Variants in CNGA3 observed in about 807,000 individuals in gnomAD.
CNGA3 encodes cyclic nucleotide-gated channel alpha-3.
CNGA3 carries 42 observed loss-of-function variants against 46.6 expected under a neutral mutation model. The observed-to-expected ratio is 0.90, with a 90% CI of 0.70 to 1.17. CNGA3 has a LOEUF of 1.17. Ranked by LOEUF, CNGA3 falls within the 50% of genes most tolerant of loss-of-function variation. CNGA3 has a pLI of 0.00. For missense variants in CNGA3, 893 were observed against 890.7 expected, an observed-to-expected ratio of 1.00 and a Z score of -0.03; for synonymous variants, 394 against 369.4, an observed-to-expected ratio of 1.07 and a Z score of -0.76.
chr2:98,368,852 T>C lies in CNGA3; in HGVS notation c.-37-1087T>C, dbSNP rs190660102. The stretch of plus-strand genomic sequence containing the variant: ...GTTGACTCTGTTCTCTTATGCTGAG[T>C]CAGTTACTGGGTGGAGGCCACAGAA... On this transcript the variant is annotated intron_variant, in intron 1 of 7. Transcript: ENST00000272602. Among the ~76,000 whole-genome samples, 395 of 152,316 alleles carry C rather than the reference T, an allele frequency of 2.6e-3. 1 individual carries two copies. The highest frequency in any genetic ancestry group is 3.6e-3 in the Non-Finnish European group (248 of 68,024).
chr2:98,389,734 G>C lies in CNGA3; in HGVS notation c.526G>C (p.Ala176Pro). Residue 176 changes from alanine (A) to proline (P), a missense_variant, in exon 6 of 8, where the codon GCC (alanine) becomes CCC (proline). Physicochemically the swap from Ala to Pro is conservative, Grantham distance 27. Around this residue, in one of 3 missense-constraint regions of CNGA3, gnomAD observed 333 missense variants for 290.8 expected, o/e 1.15. Transcript: ENST00000272602. ...NLYYRWLTAI[A>P]LPVFYNWYLL... ...GTACTACCGCTGGCTGACCGCCATC[G>C]CCCTGCCTGTCTTCTATAACTGGTA... is the stretch of plus-strand genomic sequence containing the variant. 3 of 1,613,540 alleles carry C rather than the reference G, an allele frequency of 1.9e-6. No homozygotes were observed. The South Asian group carries it at 3.3e-5, about 18-fold the overall frequency.
At chr2:98,369,871 C>T in intron 1 of CNGA3, 68 bp from the exon 2 acceptor site, 1 of 1,031,494 alleles carries the variant, frequency 9.7e-7, no homozygotes, top group Non-Finnish European at 1.5e-6. Context: ...AGCCCTTGCC[C>T]TTGATGAGCT....
chr2:98,371,778 A>G (rs1692293939), intron 2 of CNGA3, among the ~76,000 whole-genome samples: 1 of 152,254 alleles, frequency 6.6e-6, no homozygotes, highest in African/African-American at 2.4e-5. Context: ...GTATGTTTTA[A>G]TAGTTTATTT....
chr2:98,367,700 G>A (rs1035210625), intron 1 of CNGA3, among the ~76,000 whole-genome samples: 8 of 152,034 alleles, frequency 5.3e-5, no homozygotes, highest in African/African-American at 1.7e-4. Flanking sequence ...ACTGTGTTCA[G>A]CACCTCTTCC....
At chr2:98,371,463 C>T (rs961127342) in intron 2 of CNGA3, among the ~76,000 whole-genome samples, 1 of 152,188 alleles carries the variant, frequency 6.6e-6, no homozygotes, top group African/African-American at 2.4e-5. Context: ...GAGATTGAGT[C>T]CCCATTATGG....
chr2:98,351,950 T>C (rs1322474101), intron 1 of CNGA3, among the ~76,000 whole-genome samples: 2 of 152,238 alleles, frequency 1.3e-5, no homozygotes, highest in African/African-American at 2.4e-5. Context: ...CACCACATTA[T>C]AATCTTAGAA....
At chr2:98,368,140 CAT>C (rs1343054712) in intron 1 of CNGA3, among the ~76,000 whole-genome samples, 3 of 152,206 alleles carry the variant, frequency 2.0e-5, no homozygotes, top group Admixed American at 6.5e-5. Context: ...TATTTAAACT[CAT>C]AGACTTAAAC....
chr2:98,362,272 C>T (rs1323578699), intron 1 of CNGA3, among the ~76,000 whole-genome samples: 13 of 149,996 alleles, frequency 8.7e-5, no homozygotes, highest in Non-Finnish European at 1.8e-4. Flanking sequence ...CTCTGCCTCC[C>T]GGGTTCAAGT....
At chr2:98,373,062 A>C (rs890660694) in intron 2 of CNGA3, among the ~76,000 whole-genome samples, 1 of 152,128 alleles carries the variant, frequency 6.6e-6, no homozygotes, top group Non-Finnish European at 1.5e-5. Flanking sequence ...ACAGCCAGAA[A>C]TTTTCAGAAT....
chr2:98,392,393 C>A (rs1347969804), intron 7 of CNGA3, among the ~76,000 whole-genome samples: 1 of 152,058 alleles, frequency 6.6e-6, no homozygotes, highest in Non-Finnish European at 1.5e-5. Flanking sequence ...AACCCCATCT[C>A]TACTAAAAAT....
At chr2:98,350,070 T>C (rs1691740715) in intron 1 of CNGA3, among the ~76,000 whole-genome samples, 1 of 152,234 alleles carries the variant, frequency 6.6e-6, no homozygotes, top group Non-Finnish European at 1.5e-5. Flanking sequence ...TTTGTCCTCC[T>C]TTGCAGGATT....
rs113515581 is a variant in CNGA3 at position 98,364,159 on chromosome 2, C to G, written c.-37-5780C>G. ...TTGGAAGGCCAAGGTGGGCAGATCA[C>G]TTGAGATCAGAAGTTCAAGACTAGC... On this transcript the variant is annotated intron_variant, in intron 1 of 7. Coordinates refer to ENST00000272602, the MANE Select transcript of CNGA3 (RefSeq NM_001298.3). Among the ~76,000 whole-genome samples, 496 of 152,244 alleles carry G rather than the reference C, an allele frequency of 3.3e-3. 3 individuals are homozygous for G. Among genetic ancestry groups the G allele is most frequent in the African/African-American group, 0.012 (482 of 41,524 alleles).
intron 2 of CNGA3, among the ~76,000 whole-genome samples, chr2:98,375,898 G>T (rs192910721): frequency 3.4e-4 from 52 of 152,132 alleles, no homozygotes; most frequent in Non-Finnish European, 6.6e-4. Context: ...TAACCTTTCT[G>T]AACTCCCATT....
chr2:98,397,235 A>G lies in CNGA3; in HGVS notation c.2065A>G (p.Thr689Ala). 2 of 1,613,824 alleles carry G rather than the reference A, an allele frequency of 1.2e-6. No homozygotes were observed. Among genetic ancestry groups the G allele is most frequent in the Middle Eastern group, 1.6e-4 (1 of 6,062 alleles). Residue 689 changes from threonine (T) to alanine (A), a missense_variant, in exon 8 of 8, where the codon ACA becomes GCA. Thr to Ala is a moderately conservative substitution (Grantham distance 58, BLOSUM62 0). Coordinates refer to ENST00000272602, the MANE Select transcript of CNGA3 (RefSeq NM_001298.3). ...DGEVPGDATK[T>A]EDKQQ ...GGAAGTTCCCGGGGATGCTACAAAA[A>G]CAGAGGACAAACAACAGTGAAAATG...
intron 1 of CNGA3, among the ~76,000 whole-genome samples, chr2:98,364,658 T>G (rs1692106027): frequency 6.6e-6 from 1 of 152,228 alleles, no homozygotes; most frequent in Non-Finnish European, 1.5e-5. Flanking sequence ...CCTGTCATCA[T>G]GATGTCAGGT....
chr2:98,368,006 G>A (rs1248617554), intron 1 of CNGA3, among the ~76,000 whole-genome samples: 1 of 152,232 alleles, frequency 6.6e-6, no homozygotes, highest in Non-Finnish European at 1.5e-5. Context: ...AGATCCTTGA[G>A]AACAGGCTTC....
At chr2:98,357,052 C>T (rs1362748085) in intron 1 of CNGA3, among the ~76,000 whole-genome samples, 1 of 152,220 alleles carries the variant, frequency 6.6e-6, no homozygotes, top group Non-Finnish European at 1.5e-5. Context: ...TGATTCCTCA[C>T]CAGTTCCTCC....
intron 4 of CNGA3, among the ~76,000 whole-genome samples, chr2:98,382,199 G>A (rs978624487): frequency 1.3e-5 from 2 of 152,166 alleles, no homozygotes; most frequent in Non-Finnish European, 2.9e-5. Context: ...TCCTGGGGGT[G>A]AGGATTTTGA....
At chr2:98,378,044 A>C in intron 3 of CNGA3, 1 of 1,548,688 alleles carries the variant, frequency 6.5e-7, no homozygotes, top group East Asian at 2.4e-5. Context: ...GCTGACATTG[A>C]GGTACTTGCT....
Sources: allele counts gnomAD v4.1 joint callset (sites outside exome capture counted in the v4.1 genomes callset), GRCh38; gene constraint gnomAD v4.1.1; regional missense constraint gnomAD v4.1.1; transcripts MANE v1.5; gene names NCBI Gene and HGNC (gene_info 2026-07-23, HGNC 2026-07-21).